The following CTCF variants were observed in gnomAD, a reference collection of about 807,000 sequenced individuals.
The protein encoded by CTCF is transcriptional repressor CTCF.
Under a neutral mutation model 72.3 loss-of-function variants are expected in CTCF, and 7 were observed. That is an observed-to-expected ratio of 0.10 (90% CI 0.06 to 0.18). The LOEUF is 0.18. Among genes scored for constraint, CTCF ranks in the 10% least tolerant of loss-of-function variants. The probability of loss-of-function intolerance (pLI) is 1.00; values close to 1 mark genes in which losing one functional copy is unlikely to be tolerated. For synonymous variants in CTCF, 374 were observed against 315.8 expected, an observed-to-expected ratio of 1.18 and a Z score of -1.95; for missense variants, 516 against 949.1, an observed-to-expected ratio of 0.54 and a Z score of 6.00.
chr16:67,604,080 T>C (rs1246768827), intron 2 of CTCF, among the ~76,000 whole-genome samples: 1 of 141,582 alleles, frequency 7.1e-6, no homozygotes, highest in Non-Finnish European at 1.5e-5. Context: ...CAATGAGCCA[T>C]GACCATTCTG....
chr16:67,634,849 G>T (rs2052409277), intron 10 of CTCF, among the ~76,000 whole-genome samples: 1 of 149,790 alleles, frequency 6.7e-6, no homozygotes, highest in Non-Finnish European at 1.5e-5. Context: ...GATTACAGGT[G>T]CCGCCACCAC....
In CTCF at chr16:67,616,800, A is replaced by G; in HGVS notation, c.1008A>G (p.Glu336=). Residue 336 remains glutamate, a synonymous_variant, in exon 5 of 12, where the codon GAA becomes GAG. Coordinates refer to ENST00000264010, the MANE Select transcript of CTCF (RefSeq NM_006565.4). ...DCDMAFVTSG[E]LVRHRRYKHT... ...ACATGGCCTTTGTGACCAGTGGAGA[A>G]TTGGTTCGGCATCGTCGTTACAAAC... 6.2e-7 allele frequency: 1 copy of G among 1,614,128 alleles called. No individual in the cohort carries two copies. The highest frequency in any genetic ancestry group is 8.5e-7 in the Non-Finnish European group (1 of 1,180,020).
At chr16:67,624,135 G>GTATA (rs779918936) in intron 7 of CTCF, among the ~76,000 whole-genome samples, 4 of 136,918 alleles carry the variant, frequency 2.9e-5, no homozygotes, top group African/African-American at 1.2e-4. Flanking sequence ...GTATATATAT[G>GTATA]TGTGTGTGTG....
chr16:67,608,018 C>CAAAAAA (rs549111284), intron 2 of CTCF, among the ~76,000 whole-genome samples: 1 of 105,798 alleles, frequency 9.5e-6, no homozygotes, highest in African/African-American at 4.1e-5. Context: ...GACTCCGACT[C>CAAAAAA]AAAAAAAAAA....
chr16:67,591,813 C>A (rs755721915), intron 2 of CTCF, among the ~76,000 whole-genome samples: 1 of 151,826 alleles, frequency 6.6e-6, no homozygotes, highest in Non-Finnish European at 1.5e-5. Context: ...TGGGCTCAGG[C>A]GATCCTCCCG....
At chr16:67,563,880 A>G (rs1056070425) in intron 1 of CTCF, 9 of 152,234 alleles carry the variant, frequency 5.9e-5, no homozygotes, top group Admixed American at 5.9e-4. Flanking sequence ...CTAGAGCGCC[A>G]GTAGGGCAGA....
Position 67,584,308 on chromosome 16 carries a change from G to A in CTCF, c.-10+13044G>A, listed in dbSNP as rs201833509. Among the ~76,000 whole-genome samples the A allele has an allele frequency of 6.0e-5, 9 of 149,194 alleles. 1 individual carries two copies. In the South Asian group the frequency reaches 6.4e-4, roughly 11 times the overall value. On this transcript the variant is annotated intron_variant, in intron 2 of 11. Coordinates refer to ENST00000264010, the MANE Select transcript of CTCF (RefSeq NM_006565.4). Reference sequence around the variant, plus strand: ...TTGCGCTCCAGCCTGGATGACGAACGGAACTCCTTCTCAAAAAAAAAAAGT... The same window carrying A: ...TTGCGCTCCAGCCTGGATGACGAACAGAACTCCTTCTCAAAAAAAAAAAGT...
At chr16:67,631,519 C>T (rs927421368) in intron 10 of CTCF, among the ~76,000 whole-genome samples, 2 of 151,812 alleles carry the variant, frequency 1.3e-5, no homozygotes, top group African/African-American at 2.4e-5. Context: ...AGGCTGGTCT[C>T]GTAACTCCTG....
intron 7 of CTCF, among the ~76,000 whole-genome samples, chr16:67,625,757 A>C (rs2052275381): frequency 6.6e-6 from 1 of 151,870 alleles, no homozygotes; most frequent in Non-Finnish European, 1.5e-5. Context: ...CTGGCATTTC[A>C]AATTCAGCAT....
chr16:67,590,195 T>G (rs2051722032), intron 2 of CTCF, among the ~76,000 whole-genome samples: 1 of 152,080 alleles, frequency 6.6e-6, no homozygotes, highest in South Asian at 2.1e-4. Context: ...TTGTCTAGCC[T>G]TTATTATTCT....
chr16:67,607,851 C>T (rs983151213), intron 2 of CTCF, among the ~76,000 whole-genome samples: 3 of 150,416 alleles, frequency 2.0e-5, no homozygotes, highest in Non-Finnish European at 3.0e-5. Context: ...AACCCCGTAT[C>T]TGCTAAAAAT....
chr16:67,579,234 CAA>C (rs1452856566), intron 2 of CTCF, among the ~76,000 whole-genome samples: 1 of 151,772 alleles, frequency 6.6e-6, no homozygotes, highest in Non-Finnish European at 1.5e-5. Context: ...GCCTGGGCAA[CAA>C]GAGTGAAACT....
chr16:67,598,274 G>T lies in CTCF; in HGVS notation c.-9-12550G>T, dbSNP rs1300998838. ...AGTCAGGTGTGAGTCACTGCACCTGGCCAGTGGAAGAGTTTTATAATCTTC... is the reference window on the plus strand; with the variant it reads ...AGTCAGGTGTGAGTCACTGCACCTGTCCAGTGGAAGAGTTTTATAATCTTC... On this transcript the variant is annotated intron_variant, in intron 2 of 11. Transcript: ENST00000264010. Among the ~76,000 whole-genome samples the T allele has an allele frequency of 3.3e-5, 5 of 152,262 alleles. No individual in the cohort carries two copies. In the South Asian group the frequency reaches 1.0e-3, roughly 32 times the overall value.
At position 67,589,070 on chromosome 16, in the gene CTCF, T is replaced by C. The variant is rs534855283; in HGVS notation, c.-10+17806T>C. On this transcript the variant is annotated intron_variant, in intron 2 of 11. Transcript: ENST00000264010. Reference sequence around the variant, plus strand: ...ATGTTGGGAGGCTGAGGCAGGAAGATTGTTTGAAGCCAGAAGCTCAAGACC... The same window carrying C: ...ATGTTGGGAGGCTGAGGCAGGAAGACTGTTTGAAGCCAGAAGCTCAAGACC... 5.9e-5 allele frequency among the ~76,000 whole-genome samples: 9 copies of C among 152,096 alleles called. No individual in the cohort carries two copies. In the South Asian group the frequency reaches 1.7e-3, roughly 28 times the overall value.
intron 2 of CTCF, among the ~76,000 whole-genome samples, chr16:67,584,125 A>C (rs2051628147): frequency 6.6e-6 from 1 of 151,736 alleles, no homozygotes; most frequent in Non-Finnish European, 1.5e-5. Context: ...TAATCCCAGC[A>C]CTTTGGAGGC....
At chr16:67,603,526 C>T (rs544239838) in intron 2 of CTCF, among the ~76,000 whole-genome samples, 2 of 149,244 alleles carry the variant, frequency 1.3e-5, no homozygotes, top group East Asian at 2.0e-4. Context: ...GAGGGAGACT[C>T]CCTCTCAAAA....
chr16:67,601,214 A>AGG (rs1258712175), intron 2 of CTCF, among the ~76,000 whole-genome samples: 4 of 100,594 alleles, frequency 4.0e-5, no homozygotes, highest in South Asian at 4.2e-4. Context: ...GAATGCACTA[A>AGG]GGGGTGTGTG....
chr16:67,565,786 A>G (rs900451692), intron 1 of CTCF, among the ~76,000 whole-genome samples: 12 of 140,420 alleles, frequency 8.5e-5, no homozygotes, highest in Non-Finnish European at 1.0e-4. Context: ...TTCAAATTCT[A>G]AGAGCTTTAG....
chr16:67,596,714 T>G (rs2051820618), intron 2 of CTCF, among the ~76,000 whole-genome samples: 1 of 151,910 alleles, frequency 6.6e-6, no homozygotes, highest in Admixed American at 6.6e-5. Context: ...CCTCCCTGAG[T>G]AGCTGGGATT....
Sources: gnomAD v4.1 joint callset for allele counts (sites outside exome capture counted in the v4.1 genomes callset) on GRCh38, gnomAD v4.1.1 for gene constraint, MANE v1.5 for transcripts, NCBI Gene and HGNC (gene_info 2026-07-23, HGNC 2026-07-21) for gene names.